SIPA1L3: variants seen among roughly 807,000 people sequenced by gnomAD.
SIPA1L3 encodes the protein signal-induced proliferation-associated 1-like protein 3.
SIPA1L3 carries 59 observed loss-of-function variants against 150.1 expected under a neutral mutation model. The ratio of observed to expected loss-of-function variants is 0.39; its 90% CI spans 0.32 to 0.49. The LOEUF (loss-of-function observed/expected upper bound fraction) is 0.49. Among genes scored for constraint, SIPA1L3 ranks in the 20% least tolerant of loss-of-function variants. SIPA1L3 has a pLI of 0.86. For synonymous variants in SIPA1L3, 1,070 were observed against 1,077.6 expected, an observed-to-expected ratio of 0.99 and a Z score of 0.14; for missense variants, 2,211 against 2,489.5, an observed-to-expected ratio of 0.89 and a Z score of 2.38.
intron 4 of SIPA1L3, among the ~76,000 whole-genome samples, chr19:38,098,512 A>G (rs1970430705): frequency 6.6e-6 from 1 of 150,632 alleles, no homozygotes; most frequent in African/African-American, 2.5e-5. Context: ...CTCCTGCCAC[A>G]GCCTCCTGAG....
chr19:38,043,591 A>G (rs943706710), intron 2 of SIPA1L3, among the ~76,000 whole-genome samples: 1 of 152,244 alleles, frequency 6.6e-6, no homozygotes, highest in Non-Finnish European at 1.5e-5. Context: ...GGAAGGGATC[A>G]TGCCACCGTA....
chr19:38,071,690 G>C (rs537613685), intron 2 of SIPA1L3, among the ~76,000 whole-genome samples: 25 of 152,342 alleles, frequency 1.6e-4, no homozygotes, highest in African/African-American at 5.0e-4. Flanking sequence ...GTGATCAGCA[G>C]GGTCCCAGGT....
At chr19:38,055,711 G>A (rs1568523823) in intron 2 of SIPA1L3, among the ~76,000 whole-genome samples, 2 of 152,232 alleles carry the variant, frequency 1.3e-5, no homozygotes, top group Non-Finnish European at 2.9e-5. Flanking sequence ...GAGCAGGAGT[G>A]CGGGATTCTC....
chr19:38,081,724 C>T lies in SIPA1L3; in HGVS notation c.159C>T (p.Ser53=), dbSNP rs1157615886. 1.5e-5 allele frequency: 24 copies of T among 1,604,252 alleles called. No homozygotes were observed. The highest frequency in any genetic ancestry group is 2.0e-5 in the Non-Finnish European group (23 of 1,176,938). Residue 53 remains serine, a synonymous_variant, in exon 3 of 22, where the codon AGC becomes AGT. Coordinates refer to ENST00000222345, the MANE Select transcript of SIPA1L3 (RefSeq NM_015073.3). ...NGSMSQPLGE[S]PATATATATA... Reference sequence around the variant, plus strand: ...GCATGTCCCAGCCTCTTGGCGAGAGCCCGGCCACCGCCACCGCCACCGCCA... The same window carrying T: ...GCATGTCCCAGCCTCTTGGCGAGAGTCCGGCCACCGCCACCGCCACCGCCA...
chr19:38,135,765 G>C (rs1971421631), intron 10 of SIPA1L3, among the ~76,000 whole-genome samples: 1 of 152,068 alleles, frequency 6.6e-6, no homozygotes, highest in African/African-American at 2.4e-5. Flanking sequence ...TCAGGACTTG[G>C]GTGGTTTTTG....
intron 4 of SIPA1L3, among the ~76,000 whole-genome samples, chr19:38,093,795 C>T (rs1010785976): frequency 2.6e-5 from 4 of 152,200 alleles, no homozygotes; most frequent in Non-Finnish European, 5.9e-5. Flanking sequence ...TGAGCATTGG[C>T]AGTGCCAGGC....
At chr19:38,182,369 A>T (rs1972574048) in intron 15 of SIPA1L3, 150 bp from the exon 16 acceptor site, 3 of 655,824 alleles carry the variant, frequency 4.6e-6, no homozygotes, top group Non-Finnish European at 8.0e-6. Context: ...AGGCGTCTAT[A>T]CTGTTGGAAT....
chr19:37,997,763 G>A (rs1012002105), intron 1 of SIPA1L3, among the ~76,000 whole-genome samples: 1 of 151,706 alleles, frequency 6.6e-6, no homozygotes, highest in Non-Finnish European at 1.5e-5. Flanking sequence ...CTACTCCGGA[G>A]GCTGAGGCGG....
At chr19:38,135,111 C>T (rs1971405443) in intron 10 of SIPA1L3, among the ~76,000 whole-genome samples, 1 of 152,188 alleles carries the variant, frequency 6.6e-6, no homozygotes, top group Non-Finnish European at 1.5e-5. Context: ...TCCAGGTCGG[C>T]CTGTCTCCAT....
In SIPA1L3 at chr19:38,119,664, G is replaced by A. The variant is rs1185182657; in HGVS notation, c.2650G>A (p.Val884Met). ...RVVAQDYAQG[V>M]EIDCILGISN... ...GGTGGCCCAGGACTACGCCCAGGGG[G>A]TGGAAATCGACTGCATTTTGGGAAT... Residue 884 changes from valine to methionine, a missense_variant, in exon 9 of 22, where the codon GTG becomes ATG. By Grantham distance (21) the Val-to-Met change is conservative. This residue lies in a region of SIPA1L3 where 625 missense variants were observed against 804.2 expected (regional missense o/e 0.78). Coordinates refer to ENST00000222345, the MANE Select transcript of SIPA1L3 (RefSeq NM_015073.3). The A allele has an allele frequency of 2.5e-6, 4 of 1,614,092 alleles. No homozygotes were observed. The highest frequency in any genetic ancestry group is 1.7e-5 in the Admixed American group (1 of 59,994).
At chr19:38,194,328 T>C (rs1380807392) in intron 18 of SIPA1L3, among the ~76,000 whole-genome samples, 3 of 152,110 alleles carry the variant, frequency 2.0e-5, no homozygotes, top group African/African-American at 7.2e-5. Context: ...GAGTTGGCCG[T>C]GCCCCAGATG....
At position 38,075,457 on chromosome 19, in the gene SIPA1L3, G is replaced by GA. The variant is rs112971507; in HGVS notation, c.-310-5790dup. ...GGTGACAGAGTGATGCTCCGTCTCAGAAAAAAAAAGAGATTTGCAACTATT... is the reference window on the plus strand; with the variant it reads ...GGTGACAGAGTGATGCTCCGTCTCAGAAAAAAAAAAGAGATTTGCAACTATT... On this transcript the variant is annotated intron_variant, in intron 2 of 21. Transcript: ENST00000222345. Among the ~76,000 whole-genome samples, 215 of 146,122 alleles carry GA rather than the reference G, an allele frequency of 1.5e-3. 2 individuals are homozygous for GA. The highest frequency in any genetic ancestry group is 4.7e-3 in the African/African-American group (185 of 39,510).
chr19:37,909,467 C>A (rs1412809216), intron 1 of SIPA1L3, among the ~76,000 whole-genome samples: 1 of 152,206 alleles, frequency 6.6e-6, no homozygotes. Context: ...TTTTGGCCTC[C>A]CAAAGTGCTG....
Position 38,191,677 on chromosome 19 carries a change from G to A in SIPA1L3, c.4431-468G>A, listed in dbSNP as rs866769529. Among the ~76,000 whole-genome samples the A allele has an allele frequency of 4.6e-5, 7 of 152,092 alleles. No individual in the cohort carries two copies. The South Asian group carries it at 6.2e-4, about 14-fold the overall frequency. On this transcript the variant is annotated intron_variant, in intron 16 of 21. Coordinates refer to ENST00000222345, the MANE Select transcript of SIPA1L3 (RefSeq NM_015073.3). ...AAAGTACAAAAATTAGCTGGGCATGGTGGTGGGTGCCCCAATCCTTGCTAC... is the reference window on the plus strand; with the variant it reads ...AAAGTACAAAAATTAGCTGGGCATGATGGTGGGTGCCCCAATCCTTGCTAC...
chr19:38,085,721 C>T (rs1283489266), intron 3 of SIPA1L3, among the ~76,000 whole-genome samples: 1 of 152,200 alleles, frequency 6.6e-6, no homozygotes, highest in Non-Finnish European at 1.5e-5. Flanking sequence ...TGGCTGAGCG[C>T]ATTGGCTCAT....
intron 8 of SIPA1L3, among the ~76,000 whole-genome samples, chr19:38,111,066 C>T (rs982805365): frequency 2.6e-5 from 4 of 151,076 alleles, no homozygotes; most frequent in Admixed American, 2.6e-4. Context: ...CTCTGTCACC[C>T]AGGCTGGAAT....
chr19:37,981,167 T>G (rs1427591495), intron 1 of SIPA1L3, among the ~76,000 whole-genome samples: 2 of 152,122 alleles, frequency 1.3e-5, no homozygotes, highest in Non-Finnish European at 2.9e-5. Flanking sequence ...GTGAAGTGCC[T>G]TATGCCTGTA....
intron 8 of SIPA1L3, among the ~76,000 whole-genome samples, chr19:38,113,337 G>A (rs1247742261): frequency 6.6e-6 from 1 of 151,234 alleles, no homozygotes. Context: ...CCATAAAAAT[G>A]ATATGATGGG....
At chr19:38,065,060 C>T (rs1361786562) in intron 2 of SIPA1L3, among the ~76,000 whole-genome samples, 2 of 152,224 alleles carry the variant, frequency 1.3e-5, no homozygotes, top group Non-Finnish European at 2.9e-5. Flanking sequence ...GGCGTGTAAT[C>T]ATATGAACAT....
Sources: allele counts gnomAD v4.1 joint callset (sites outside exome capture counted in the v4.1 genomes callset), GRCh38; gene constraint gnomAD v4.1.1; regional missense constraint gnomAD v4.1.1; transcripts MANE v1.5; gene names NCBI Gene and HGNC (gene_info 2026-07-23, HGNC 2026-07-21).